Variants in DUXB observed in about 807,000 individuals in gnomAD.
DUXB encodes double homeobox protein B.
Under a neutral mutation model 8.9 loss-of-function variants are expected in DUXB, and 22 were observed. The observed-to-expected ratio is 2.46, with a 90% CI of 1.76 to 3.52. The LOEUF (loss-of-function observed/expected upper bound fraction) is 3.52, where lower values mean the gene tolerates loss of function less well. Ranked by LOEUF, DUXB falls within the 30% of genes most tolerant of loss-of-function variation. The probability of loss-of-function intolerance (pLI) is 0.00; values close to 1 mark genes in which losing one functional copy is unlikely to be tolerated. For synonymous variants in DUXB, 84 were observed against 37.6 expected (o/e 2.23, Z -4.52); for missense variants, 237 against 108.7 (o/e 2.18, Z -5.25).
At chr16:75,699,124 GT>G (rs562478183) in intron 2 of DUXB, among the ~76,000 whole-genome samples, 1 of 152,186 alleles carries the variant, frequency 6.6e-6, no homozygotes, top group Non-Finnish European at 1.5e-5. Flanking sequence ...GGGATTACAG[GT>G]GTGGGTCACC....
intron 3 of DUXB, 80 bp downstream of exon 3, chr16:75,696,758 C>G (rs1347516218): frequency 1.6e-6 from 1 of 635,600 alleles, no homozygotes; most frequent in Non-Finnish European, 2.8e-6. Flanking sequence ...AACCAGCTAT[C>G]CCTGGCTTCT....
chr16:75,699,207 A>G (rs1959198007), intron 2 of DUXB, among the ~76,000 whole-genome samples: 1 of 152,218 alleles, frequency 6.6e-6, no homozygotes, highest in Non-Finnish European at 1.5e-5. Flanking sequence ...CAGTTATTCT[A>G]TTTAAAATAA....
intron 3 of DUXB, among the ~76,000 whole-genome samples, 160 bp downstream of exon 3, chr16:75,696,678 T>C (rs1439216666): frequency 6.6e-6 from 1 of 152,238 alleles, no homozygotes; most frequent in African/African-American, 2.4e-5. Flanking sequence ...TATTTACTTC[T>C]ATAACAAACT....
intron 2 of DUXB, among the ~76,000 whole-genome samples, chr16:75,699,099 G>A (rs1364921398): frequency 1.3e-5 from 2 of 152,150 alleles, no homozygotes; most frequent in African/African-American, 4.8e-5. Context: ...TCCACTCTCA[G>A]CCTCTGAAAA....
chr16:75,698,461 C>A (rs1959195514), intron 2 of DUXB: 1 of 152,198 alleles, frequency 6.6e-6, no homozygotes. Flanking sequence ...ACTTGGTCTT[C>A]ATTGGTTTAA....
intron 2 of DUXB, among the ~76,000 whole-genome samples, 157 bp from the exon 3 acceptor site, chr16:75,697,100 T>C (rs1035936659): frequency 2.6e-5 from 4 of 152,188 alleles, no homozygotes; most frequent in Admixed American, 1.3e-4. Flanking sequence ...ATGCTGCTAT[T>C]GGCATATGAT....
chr16:75,698,655 C>T (rs1216651108), intron 2 of DUXB: 1 of 152,250 alleles, frequency 6.6e-6, no homozygotes, highest in Non-Finnish European at 1.5e-5. Context: ...GCTCACTCCT[C>T]CTTAGGCACC....
At chr16:75,700,268 T>A in intron 1 of DUXB, 99 bp from the exon 2 acceptor site, 1 of 582,220 alleles carries the variant, frequency 1.7e-6, no homozygotes, top group East Asian at 2.9e-5. Context: ...AGAGTCTCAC[T>A]CTGTCGCCCA....
In DUXB at chr16:75,696,862, C is replaced by T. The variant is rs187893485; in HGVS notation, c.262G>A (p.Asp88Asn). Reference sequence around the variant, plus strand: ...CCTTGAGTCAGATGCTGGGACTGGTCATGCCCCTGGGTTTGATCTTTTTCT... The same window carrying T: ...CCTTGAGTCAGATGCTGGGACTGGTTATGCCCCTGGGTTTGATCTTTTTCT... ...FSEKDQTQGHDQSQHLTQEYL... is the reference protein window; with the variant it reads ...FSEKDQTQGHNQSQHLTQEYL... Residue 88 changes from aspartate to asparagine, a missense_variant, in exon 3 of 5, where the codon GAC (aspartate) becomes AAC (asparagine). Physicochemically the swap from Asp to Asn is conservative, Grantham distance 23 (BLOSUM62 1). Transcript: ENST00000633875. 11 of 702,916 alleles carry T rather than the reference C, an allele frequency of 1.6e-5. No homozygotes were observed. In the East Asian group the frequency reaches 2.4e-4, roughly 15 times the overall value. 43.5% of individuals were successfully genotyped at this position (702,916 alleles called of 1,614,324 possible). A position where few individuals can be genotyped will look rare whatever the true frequency, so the allele number is the denominator to read the frequency against.
At position 75,696,129 on chromosome 16, in the gene DUXB, C is replaced by A; in HGVS notation, c.287-14G>T. On this transcript the variant is annotated splice_polypyrimidine_tract_variant and intron_variant, in intron 3 of 4. Coordinates refer to ENST00000633875, the MANE Select transcript of DUXB (RefSeq NM_001351307.2). Reference sequence around the variant, plus strand: ...TAGGTAAGTATTCTAAAGGAGAACACAGAAGCTGTTGGGGAATTTTCATAT... The same window carrying A: ...TAGGTAAGTATTCTAAAGGAGAACAAAGAAGCTGTTGGGGAATTTTCATAT... 1 of 646,562 alleles carries A rather than the reference C, an allele frequency of 1.5e-6. No individual in the cohort carries two copies. Among genetic ancestry groups the A allele is most frequent in the Non-Finnish European group, 2.7e-6 (1 of 374,506 alleles). 40.1% of individuals were successfully genotyped at this position (646,562 alleles called of 1,614,324 possible). A position where few individuals can be genotyped will look rare whatever the true frequency, so the allele number is the denominator to read the frequency against.
At chr16:75,694,846 A>C (rs2082592625) in intron 4 of DUXB, among the ~76,000 whole-genome samples, 1 of 152,232 alleles carries the variant, frequency 6.6e-6, no homozygotes, top group Non-Finnish European at 1.5e-5. Flanking sequence ...TTTAAAATAC[A>C]TGAGATGTGC....
chr16:75,699,548 GTTTTC>G (rs907084836), intron 2 of DUXB, among the ~76,000 whole-genome samples: 1 of 149,764 alleles, frequency 6.7e-6, no homozygotes, highest in East Asian at 2.0e-4. Context: ...GTTTTTATTT[GTTTTC>G]TTTTCTTTTC....
intron 2 of DUXB, chr16:75,698,847 ACTT>A (rs1959196812): frequency 6.6e-6 from 1 of 152,044 alleles, no homozygotes; most frequent in Non-Finnish European, 1.5e-5. Context: ...ATCACAGATA[ACTT>A]CTTTTTTTTG....
chr16:75,694,759 A>G (rs1365271233), intron 4 of DUXB, among the ~76,000 whole-genome samples: 3 of 152,240 alleles, frequency 2.0e-5, no homozygotes, highest in Non-Finnish European at 4.4e-5. Flanking sequence ...TAAAAATAAT[A>G]CAAAGAAAAA....
At position 75,694,654 on chromosome 16, in the gene DUXB, C is replaced by T. The variant is rs1025408531; in HGVS notation, c.442-129G>A. On this transcript the variant is annotated intron_variant, in intron 4 of 4. Coordinates refer to ENST00000633875, the MANE Select transcript of DUXB (RefSeq NM_001351307.2). Reference sequence around the variant, plus strand: ...ACAGGGTGATTTTATAGAGTTGGCTCTCTGAATCCATGGGTTCCATCTGTA... The same window carrying T: ...ACAGGGTGATTTTATAGAGTTGGCTTTCTGAATCCATGGGTTCCATCTGTA... 25 of 617,124 alleles carry T rather than the reference C, an allele frequency of 4.1e-5. No individual in the cohort carries two copies. In the African/African-American group the frequency reaches 4.3e-4, roughly 11 times the overall value. 38.2% of individuals were successfully genotyped at this position (617,124 alleles called of 1,614,324 possible). A position where few individuals can be genotyped will look rare whatever the true frequency, so the allele number is the denominator to read the frequency against.
intron 1 of DUXB, 123 bp downstream of exon 1, chr16:75,701,271 A>G: frequency 2.5e-6 from 1 of 397,794 alleles, no homozygotes; most frequent in Non-Finnish European, 4.4e-6. Flanking sequence ...AGCGAAAAAC[A>G]GCTGCTGCTC....
chr16:75,697,467 T>C (rs1037188768), intron 2 of DUXB, among the ~76,000 whole-genome samples: 7 of 152,226 alleles, frequency 4.6e-5, no homozygotes, highest in African/African-American at 1.7e-4. Context: ...TAACAATAGA[T>C]GAGGAGACTC....
chr16:75,694,919 T>C (rs1325155941), intron 4 of DUXB, among the ~76,000 whole-genome samples: 1 of 152,238 alleles, frequency 6.6e-6, no homozygotes, highest in East Asian at 1.9e-4. Flanking sequence ...TGGAGTTTGG[T>C]ATTCAGGAGA....
Position 75,694,407 on chromosome 16 carries a change from T to C in DUXB, c.560A>G (p.Asn187Ser), listed in dbSNP as rs1187752325. 2 of 697,484 alleles carry C rather than the reference T, an allele frequency of 2.9e-6. No individual in the cohort carries two copies. The highest frequency in any genetic ancestry group is 5.4e-5 in the East Asian group (2 of 37,046). 43.2% of individuals were successfully genotyped at this position (697,484 alleles called of 1,614,324 possible). A position where few individuals can be genotyped will look rare whatever the true frequency, so the allele number is the denominator to read the frequency against. ...AGAGCTGTCTGTGGGGAGGAACAGG[T>C]TGATTGGATGCCACCCAACAGTTGC... ...PDATVGWHPI[N>S]LFLPTDSSHY... Residue 187 changes from asparagine (N) to serine (S), a missense_variant, in exon 5 of 5, where the codon AAC becomes AGC. Transcript: ENST00000633875.
Sources: gnomAD v4.1 joint callset for allele counts (sites outside exome capture counted in the v4.1 genomes callset) on GRCh38, gnomAD v4.1.1 for gene constraint, MANE v1.5 for transcripts, NCBI Gene and HGNC (gene_info 2026-07-23, HGNC 2026-07-21) for gene names.